The following SHANK2 variants were observed in gnomAD, a reference collection of about 807,000 sequenced individuals.
The protein encoded by SHANK2 is SH3 and multiple ankyrin repeat domains protein 2.
A neutral mutation model predicts 133.7 loss-of-function variants in SHANK2; 43 were observed. That is an observed-to-expected ratio of 0.32 (90% CI 0.25 to 0.41). The LOEUF is 0.41. SHANK2 is among the 10% of genes least tolerant of loss of function. SHANK2 has a pLI of 1.00. For synonymous variants in SHANK2, 1,017 were observed against 952.8 expected, an observed-to-expected ratio of 1.07 and a Z score of -1.24; for missense variants, 1,994 against 2,235.8, an observed-to-expected ratio of 0.89 and a Z score of 2.18.
At position 71,175,097 on chromosome 11, in the gene SHANK2, C is replaced by T. The variant is rs1185572111; in HGVS notation, c.-12-27759G>A. ...AAACACACACACGGTCGCATATGTGCATTTACCAGAGCAAGGGATTTTGTT... is the reference window on the plus strand; with the variant it reads ...AAACACACACACGGTCGCATATGTGTATTTACCAGAGCAAGGGATTTTGTT... On this transcript the variant is annotated intron_variant, in intron 2 of 25. Coordinates refer to ENST00000601538, the MANE Select transcript of SHANK2 (RefSeq NM_012309.5). This position sits in a 1 kb window ranked among gnomAD's most constrained non-coding sequence, Gnocchi z 4.2. Among the ~76,000 whole-genome samples the T allele has an allele frequency of 6.6e-6, 1 of 152,126 alleles. No individual in the cohort carries two copies. Among genetic ancestry groups the T allele is most frequent in the Non-Finnish European group, 1.5e-5 (1 of 68,044 alleles).
intron 10 of SHANK2, among the ~76,000 whole-genome samples, chr11:70,949,473 C>T (rs372822955): frequency 3.9e-5 from 6 of 152,360 alleles, no homozygotes; most frequent in African/African-American, 1.4e-4. Context: ...GCTCACCCTC[C>T]CTTCACACTG....
chr11:70,683,419 CT>C (rs1945071779), intron 15 of SHANK2, among the ~76,000 whole-genome samples: 1 of 152,246 alleles, frequency 6.6e-6, no homozygotes, highest in Admixed American at 6.5e-5. Context: ...CCTTCCACCC[CT>C]GGAACTTGCC....
At chr11:70,751,713 A>T (rs1267047681) in intron 14 of SHANK2, among the ~76,000 whole-genome samples, 6 of 152,224 alleles carry the variant, frequency 3.9e-5, no homozygotes, top group African/African-American at 1.4e-4. Flanking sequence ...AATACACGTG[A>T]TAGCTACACC....
intron 10 of SHANK2, among the ~76,000 whole-genome samples, chr11:70,950,766 C>T (rs1168964275): frequency 6.6e-6 from 1 of 151,356 alleles, no homozygotes; most frequent in Non-Finnish European, 1.5e-5. Context: ...TGCCACCATG[C>T]CCAGCTAATT....
chr11:71,067,134 G>A (rs1951073974), intron 9 of SHANK2, among the ~76,000 whole-genome samples: 4 of 152,128 alleles, frequency 2.6e-5, no homozygotes, highest in African/African-American at 7.2e-5. Flanking sequence ...GCCATTCAGC[G>A]AGACCCACAC....
At chr11:70,777,206 T>A (rs374499884) in intron 14 of SHANK2, among the ~76,000 whole-genome samples, 1 of 151,144 alleles carries the variant, frequency 6.6e-6, no homozygotes, top group African/African-American at 2.4e-5. Context: ...CACCTACCCA[T>A]CCATTCACCC....
intron 11 of SHANK2, among the ~76,000 whole-genome samples, chr11:70,829,158 G>C (rs1948690163): frequency 6.6e-6 from 1 of 152,234 alleles, no homozygotes; most frequent in Admixed American, 6.5e-5. Flanking sequence ...TGGTGGACCA[G>C]GCAGGGGACA....
At chr11:70,950,795 G>C (rs1322016625) in intron 10 of SHANK2, among the ~76,000 whole-genome samples, 1 of 149,572 alleles carries the variant, frequency 6.7e-6, no homozygotes, top group Non-Finnish European at 1.5e-5. Context: ...GTGTGTGTAT[G>C]TGTGGGTGTG....
chr11:70,809,287 G>A (rs1363176851), intron 12 of SHANK2, among the ~76,000 whole-genome samples: 4 of 152,220 alleles, frequency 2.6e-5, no homozygotes, highest in African/African-American at 7.2e-5. Context: ...AGGTGCTGTG[G>A]CCTCTGAGGC....
chr11:70,505,656 C>T lies in SHANK2; in HGVS notation c.2062-2725G>A, dbSNP rs533236168. On this transcript the variant is annotated intron_variant, in intron 17 of 25. Transcript: ENST00000601538. ...TATTACTGCCTGCTTGCTCCTGCCA[C>T]CCGCTGTGGGGCATTCTCTGGATCT... Among the ~76,000 whole-genome samples, 403 of 152,264 alleles carry T rather than the reference C, an allele frequency of 2.6e-3. 2 individuals carry two copies. Among genetic ancestry groups the T allele is most frequent in the African/African-American group, 9.2e-3 (382 of 41,562 alleles).
chr11:70,730,380 C>T (rs1464467618), intron 14 of SHANK2, among the ~76,000 whole-genome samples: 2 of 152,136 alleles, frequency 1.3e-5, no homozygotes, highest in Non-Finnish European at 2.9e-5. Flanking sequence ...GCCCAATTGT[C>T]CCCATGATCT....
intron 14 of SHANK2, among the ~76,000 whole-genome samples, chr11:70,794,777 A>G (rs1344019774): frequency 6.6e-6 from 1 of 152,118 alleles, no homozygotes; most frequent in Non-Finnish European, 1.5e-5. Context: ...GATGGTCTCA[A>G]ACTCCTAACC....
rs537948942 is a variant in SHANK2, at chr11:70,545,145, G to A, written c.2062-42214C>T. On this transcript the variant is annotated intron_variant, in intron 17 of 25. Transcript: ENST00000601538. ...CCCCGATCACCACCCCAGTCCTGCCGTGGGCGTCTCTTTTTGTCTGAGAAT... is the reference window on the plus strand; with the variant it reads ...CCCCGATCACCACCCCAGTCCTGCCATGGGCGTCTCTTTTTGTCTGAGAAT... Among the ~76,000 whole-genome samples, 3 of 152,338 alleles carry A rather than the reference G, an allele frequency of 2.0e-5. No homozygotes were observed. The East Asian group carries it at 5.8e-4, about 29-fold the overall frequency.
intron 15 of SHANK2, among the ~76,000 whole-genome samples, chr11:70,677,719 G>A (rs1555017544): frequency 6.6e-6 from 1 of 152,140 alleles, no homozygotes; most frequent in South Asian, 2.1e-4. Flanking sequence ...CAGAAGCCCT[G>A]TTGAGGGCTC....
intron 2 of SHANK2, among the ~76,000 whole-genome samples, chr11:71,185,907 G>A (rs1030219093): frequency 6.6e-6 from 1 of 152,170 alleles, no homozygotes; most frequent in African/African-American, 2.4e-5. Flanking sequence ...AGCCTGGAGA[G>A]GGAGGGGGAC....
intron 11 of SHANK2, among the ~76,000 whole-genome samples, chr11:70,861,939 G>A (rs972746011): frequency 3.3e-5 from 5 of 152,056 alleles, no homozygotes; most frequent in African/African-American, 1.2e-4. Flanking sequence ...GGTGGTCTCG[G>A]AATAGTGGGA....
chr11:70,675,283 C>T (rs1225239136), intron 15 of SHANK2, among the ~76,000 whole-genome samples: 1 of 152,142 alleles, frequency 6.6e-6, no homozygotes, highest in African/African-American at 2.4e-5. Context: ...ATGCTACGGC[C>T]TTTGAGCACC....
intron 8 of SHANK2, among the ~76,000 whole-genome samples, chr11:71,091,879 C>T (rs1390680812): frequency 6.6e-6 from 1 of 152,210 alleles, no homozygotes; most frequent in Non-Finnish European, 1.5e-5. Flanking sequence ...CACACCTCTA[C>T]CTGATCAGGT....
At chr11:70,611,167 G>C (rs1040983991) in intron 17 of SHANK2, among the ~76,000 whole-genome samples, 2 of 152,344 alleles carry the variant, frequency 1.3e-5, no homozygotes, top group South Asian at 4.1e-4. Flanking sequence ...AAGGAGTTTG[G>C]AGGTTCTCAG....
Sources: allele counts gnomAD v4.1 joint callset (sites outside exome capture counted in the v4.1 genomes callset), GRCh38; gene constraint gnomAD v4.1.1; non-coding constraint Gnocchi (gnomAD v3.1); transcripts MANE v1.5; gene names NCBI Gene and HGNC (gene_info 2026-07-23, HGNC 2026-07-21).